Variants in RHOBTB1 observed in about 807,000 individuals in gnomAD.
RHOBTB1 encodes rho-related BTB domain-containing protein 1.
A neutral mutation model predicts 71.6 loss-of-function variants in RHOBTB1; 40 were observed. That is an observed-to-expected ratio of 0.56 (90% CI 0.43 to 0.73). RHOBTB1 has a LOEUF of 0.73. Ranked by LOEUF, RHOBTB1 falls within the 30% of genes least tolerant of loss-of-function variation. The pLI is 0.00. For missense variants in RHOBTB1, 797 were observed against 894.0 expected, an observed-to-expected ratio of 0.89 and a Z score of 1.38; for synonymous variants, 319 against 334.9, an observed-to-expected ratio of 0.95 and a Z score of 0.52.
chr10:60,864,563 A>G (rs951982773), downstream of RHOBTB1, among the ~76,000 whole-genome samples: 3 of 152,226 alleles, frequency 2.0e-5, no homozygotes, highest in Non-Finnish European at 2.9e-5. Context: ...AAAAGCAACC[A>G]GCGGAATAGC....
chr10:60,912,394 C>T (rs1306055381), intron 2 of RHOBTB1, among the ~76,000 whole-genome samples: 3 of 151,918 alleles, frequency 2.0e-5, no homozygotes, highest in South Asian at 2.1e-4. Flanking sequence ...CCACCATGCC[C>T]GGCTAATTTT....
chr10:60,897,714 A>AT (rs544735541), intron 4 of RHOBTB1, among the ~76,000 whole-genome samples: 48 of 150,164 alleles, frequency 3.2e-4, no homozygotes, highest in African/African-American at 5.4e-4. Context: ...TATACATATA[A>AT]TTTTTTTTTT....
the RHOBTB1 span, among the ~76,000 whole-genome samples, chr10:60,862,550 C>A: frequency 4.5e-5 from 6 of 133,698 alleles, no homozygotes; most frequent in South Asian, 9.8e-4. Context: ...TTCTTTCTTT[C>A]TTTCCTTTCT....
chr10:60,969,834 T>C (rs1306559832), intron 2 of RHOBTB1, among the ~76,000 whole-genome samples: 3 of 152,086 alleles, frequency 2.0e-5, no homozygotes, highest in Non-Finnish European at 4.4e-5. Flanking sequence ...CTTTTAGTAT[T>C]TAAAGAAATA....
At chr10:60,918,912 A>G (rs1406084070) in intron 2 of RHOBTB1, among the ~76,000 whole-genome samples, 2 of 151,992 alleles carry the variant, frequency 1.3e-5, no homozygotes, top group African/African-American at 4.8e-5. Context: ...AGGCCTGGCT[A>G]CTTTTTTATT....
At chr10:60,954,480 C>A (rs1370453065) in intron 2 of RHOBTB1, among the ~76,000 whole-genome samples, 1 of 152,086 alleles carries the variant, frequency 6.6e-6, no homozygotes, top group Non-Finnish European at 1.5e-5. Flanking sequence ...ATTATTTACT[C>A]ACTGATTGCT....
intron 1 of RHOBTB1, among the ~76,000 whole-genome samples, chr10:60,992,930 CT>C (rs957306228): frequency 2.6e-5 from 4 of 152,142 alleles, no homozygotes; most frequent in Admixed American, 6.5e-5. Context: ...TATTTGCTCT[CT>C]CAAAGAAAGA....
At chr10:60,970,989 G>A (rs1337982104) in intron 2 of RHOBTB1, among the ~76,000 whole-genome samples, 3 of 151,930 alleles carry the variant, frequency 2.0e-5, no homozygotes, top group Non-Finnish European at 2.9e-5. Flanking sequence ...CTTTTGTGAC[G>A]ATTCAGTGAA....
chr10:60,876,789 G>A (rs2081073089), intron 8 of RHOBTB1, among the ~76,000 whole-genome samples: 1 of 152,206 alleles, frequency 6.6e-6, no homozygotes, highest in Non-Finnish European at 1.5e-5. Context: ...ACAAAGAGAG[G>A]ACTTTGATCT....
At position 60,934,686 on chromosome 10, in the gene RHOBTB1, G is replaced by C. The variant is rs115797665; in HGVS notation, c.-11+7118C>G. Among the ~76,000 whole-genome samples, 879 of 152,304 alleles carry C rather than the reference G, an allele frequency of 5.8e-3. 4 individuals carry two copies. The highest frequency in any genetic ancestry group is 0.02 in the African/African-American group (852 of 41,564). ...TTTCCAGGAGCCTTAATGATCAGCT[G>C]CCAAATTTAGCCTTTGGCTCCATGT... On this transcript the variant is annotated intron_variant, in intron 2 of 10. Coordinates refer to ENST00000337910, the MANE Select transcript of RHOBTB1 (RefSeq NM_014836.5).
chr10:60,922,773 T>C (rs888790455), intron 2 of RHOBTB1, among the ~76,000 whole-genome samples: 1 of 152,184 alleles, frequency 6.6e-6, no homozygotes, highest in African/African-American at 2.4e-5. Context: ...GAGAACAAAG[T>C]ATGGAAAAAG....
chr10:60,886,720 G>T lies in RHOBTB1; in HGVS notation c.1457-490C>A, dbSNP rs560019168. Among the ~76,000 whole-genome samples the T allele has an allele frequency of 2.3e-4, 32 of 141,742 alleles. 1 individual carries two copies. Among genetic ancestry groups the T allele is most frequent in the Admixed American group, 1.7e-3 (24 of 14,166 alleles). 93.0% of individuals were successfully genotyped at this position (141,742 alleles called of 152,430 possible). ...TTACTGTTTTTTTTAAGAGATGTGG[G>T]GGGGGGTGGGTCTGGCTATGTTGTC... On this transcript the variant is annotated intron_variant, in intron 6 of 10. Transcript: ENST00000337910.
chr10:60,879,718 G>A (rs932541098), intron 7 of RHOBTB1, among the ~76,000 whole-genome samples: 28 of 151,962 alleles, frequency 1.8e-4, no homozygotes, highest in African/African-American at 5.8e-4. Context: ...TATATATTAT[G>A]TATGATTACA....
At chr10:60,983,095 T>C (rs1344812808) in intron 2 of RHOBTB1, among the ~76,000 whole-genome samples, 1 of 152,248 alleles carries the variant, frequency 6.6e-6, no homozygotes, top group Non-Finnish European at 1.5e-5. Flanking sequence ...GATTTAATTC[T>C]AACCAATTAG....
intron 4 of RHOBTB1, among the ~76,000 whole-genome samples, chr10:60,909,909 T>C (rs1181936733): frequency 2.6e-5 from 4 of 152,222 alleles, no homozygotes; most frequent in African/African-American, 9.6e-5. Flanking sequence ...TTATTCATTA[T>C]TTTAGGCCAC....
At chr10:60,886,318 G>A (rs1284365215) in intron 6 of RHOBTB1, 88 bp from the exon 7 acceptor site, 9 of 862,142 alleles carry the variant, frequency 1.0e-5, no homozygotes, top group Middle Eastern at 2.3e-4. Flanking sequence ...ACCAAACTGC[G>A]ACTCCCTTAC....
chr10:60,916,270 A>C (rs2083264720), intron 2 of RHOBTB1, among the ~76,000 whole-genome samples: 1 of 152,192 alleles, frequency 6.6e-6, no homozygotes, highest in South Asian at 2.1e-4. Flanking sequence ...CTAGCCCAGC[A>C]GGGATGAGAA....
downstream of RHOBTB1, among the ~76,000 whole-genome samples, chr10:60,865,546 G>T (rs1312268778): frequency 1.3e-5 from 2 of 152,182 alleles, no homozygotes; most frequent in Non-Finnish European, 2.9e-5. Context: ...GATACAAAAG[G>T]CCAAGGCCAG....
chr10:60,958,860 C>A (rs1245938239), intron 2 of RHOBTB1, among the ~76,000 whole-genome samples: 2 of 152,048 alleles, frequency 1.3e-5, no homozygotes, highest in Non-Finnish European at 2.9e-5. Flanking sequence ...CTAGGACTCC[C>A]AAAGTGCTGG....
Sources: allele counts gnomAD v4.1 joint callset (sites outside exome capture counted in the v4.1 genomes callset), GRCh38; gene constraint gnomAD v4.1.1; transcripts MANE v1.5; gene names NCBI Gene and HGNC (gene_info 2026-07-23, HGNC 2026-07-21).